IGSF5: variants seen among roughly 807,000 people sequenced by gnomAD.
The protein encoded by IGSF5 is immunoglobulin superfamily 5 like.
In IGSF5, 41 loss-of-function variants were observed where a neutral mutation model predicts 39.4. The ratio of observed to expected loss-of-function variants is 1.04; its 90% CI spans 0.81 to 1.35. IGSF5 has a LOEUF of 1.35. Among genes scored for constraint, IGSF5 ranks in the 40% most tolerant of loss-of-function variants. IGSF5 has a pLI of 0.00. For missense variants in IGSF5, 487 were observed against 494.6 expected, an observed-to-expected ratio of 0.98 and a Z score of 0.15; for synonymous variants, 183 against 175.3, an observed-to-expected ratio of 1.04 and a Z score of -0.34.
At chr21:39,737,842 C>T in the IGSF5 span, among the ~76,000 whole-genome samples, 1 of 152,216 alleles carries the variant, frequency 6.6e-6, no homozygotes, top group Non-Finnish European at 1.5e-5. Context: ...TGCAGCATTC[C>T]TTCCTCCAAG....
chr21:39,791,981 C>A, intron 6 of IGSF5, 27 bp from the exon 7 acceptor site: 1 of 1,487,314 alleles, frequency 6.7e-7, no homozygotes, highest in Non-Finnish European at 9.3e-7. Context: ...CAACAATTAA[C>A]ATGAACATAA....
At chr21:39,718,020 C>A in the IGSF5 span, among the ~76,000 whole-genome samples, 2 of 151,956 alleles carry the variant, frequency 1.3e-5, no homozygotes, top group Admixed American at 1.3e-4. Context: ...TTTCTTTGAG[C>A]AGTAATTCTT....
chr21:39,781,713 C>A (rs2080171508), intron 5 of IGSF5, among the ~76,000 whole-genome samples: 1 of 152,144 alleles, frequency 6.6e-6, no homozygotes, highest in African/African-American at 2.4e-5. Context: ...AGTTTTGATT[C>A]TATCTTATTA....
chr21:39,795,989 G>A (rs369626372), intron 8 of IGSF5, among the ~76,000 whole-genome samples: 3 of 152,234 alleles, frequency 2.0e-5, no homozygotes, highest in South Asian at 4.2e-4. Flanking sequence ...TAAAGAAGAG[G>A]TCTATCTTTG....
chr21:39,718,679 T>C, the IGSF5 span, among the ~76,000 whole-genome samples: 1 of 152,246 alleles, frequency 6.6e-6, no homozygotes, highest in Non-Finnish European at 1.5e-5. Context: ...TGAACCAGGC[T>C]TGCATCCTGG....
the IGSF5 span, among the ~76,000 whole-genome samples, chr21:39,734,485 A>G: frequency 5.5e-5 from 8 of 145,666 alleles, no homozygotes; most frequent in African/African-American, 2.1e-4. Flanking sequence ...CTCATTACTC[A>G]TTATAATATC....
intron 2 of IGSF5, among the ~76,000 whole-genome samples, chr21:39,761,177 TG>T (rs2080059889): frequency 6.6e-6 from 1 of 152,202 alleles, no homozygotes; most frequent in South Asian, 2.1e-4. Context: ...ATTCAATAAA[TG>T]GTGCTGGGAT....
At chr21:39,716,055 G>C in the IGSF5 span, among the ~76,000 whole-genome samples, 2 of 152,194 alleles carry the variant, frequency 1.3e-5, no homozygotes, top group Non-Finnish European at 1.5e-5. Flanking sequence ...TGGAAACTGT[G>C]GGGGCTCCCA....
intron 6 of IGSF5, among the ~76,000 whole-genome samples, chr21:39,789,615 G>A (rs117111901): frequency 0.035 from 5,329 of 152,070 alleles, 119 homozygotes; most frequent in Middle Eastern, 0.095. Context: ...TATGTATATA[G>A]TTGTATGTTT....
At chr21:39,715,436 T>C in the IGSF5 span, among the ~76,000 whole-genome samples, 2 of 152,218 alleles carry the variant, frequency 1.3e-5, no homozygotes, top group Non-Finnish European at 2.9e-5. Flanking sequence ...TAATTTCTTA[T>C]GCTATAAAGG....
At chr21:39,769,112 A>G (rs2080101133) in intron 3 of IGSF5, among the ~76,000 whole-genome samples, 1 of 152,236 alleles carries the variant, frequency 6.6e-6, no homozygotes, top group Non-Finnish European at 1.5e-5. Context: ...CAGATAGTGC[A>G]ATGGGTTTCA....
At position 39,757,805 on chromosome 21, in the gene IGSF5, G is replaced by C. The variant is rs189671079; in HGVS notation, c.101-7730G>C. Among the ~76,000 whole-genome samples the C allele has an allele frequency of 3.3e-5, 5 of 152,226 alleles. No homozygotes were observed. In the East Asian group the frequency reaches 9.7e-4, roughly 29 times the overall value. On this transcript the variant is annotated intron_variant, in intron 2 of 8. Coordinates refer to ENST00000380588, the MANE Select transcript of IGSF5 (RefSeq NM_001080444.2). ...TTGGCCAGGCTGATCTCGAACTCCT[G>C]ACCTCAAACGATCCACCTGCCTTGG...
At position 39,771,120 on chromosome 21, in the gene IGSF5, A is replaced by G; in HGVS notation, c.623A>G (p.Gln208Arg). ...GTGAGCATCCTGGCTCTGACCCCAC[A>G]GAGCAATGGGACTTTGACTTGCGTG... ...SAVSILALTP[Q>R]SNGTLTCVAT... The change falls in exon 4 of 9, where the codon CAG becomes CGG. Residue 208 changes from glutamine to arginine, a missense_variant. By Grantham distance (43) the Gln-to-Arg change is conservative. Coordinates refer to ENST00000380588, the MANE Select transcript of IGSF5 (RefSeq NM_001080444.2). 6.2e-7 allele frequency: 1 copy of G among 1,612,720 alleles called. No individual in the cohort carries two copies. Among genetic ancestry groups the G allele is most frequent in the Non-Finnish European group, 8.5e-7 (1 of 1,179,348 alleles).
At chr21:39,761,509 T>C (rs533972798) in intron 2 of IGSF5, among the ~76,000 whole-genome samples, 1 of 152,196 alleles carries the variant, frequency 6.6e-6, no homozygotes, top group Non-Finnish European at 1.5e-5. Context: ...TCACAAACTA[T>C]GCATCTGACA....
chr21:39,785,866 G>A (rs1438726880), intron 5 of IGSF5, among the ~76,000 whole-genome samples: 2 of 152,092 alleles, frequency 1.3e-5, no homozygotes, highest in South Asian at 4.1e-4. Flanking sequence ...TTTGTCTGTT[G>A]TTGGTGTATA....
At chr21:39,765,251 G>A (rs754646485) in intron 2 of IGSF5, among the ~76,000 whole-genome samples, 1 of 152,096 alleles carries the variant, frequency 6.6e-6, no homozygotes, top group Non-Finnish European at 1.5e-5. Context: ...ATTTTCAAAG[G>A]TTCCATTCTG....
chr21:39,786,952 C>G (rs2086925160), intron 5 of IGSF5, among the ~76,000 whole-genome samples: 1 of 150,822 alleles, frequency 6.6e-6, no homozygotes, highest in African/African-American at 2.4e-5. Flanking sequence ...ACTCTGGGGA[C>G]TGTTGTGGGG....
At chr21:39,774,956 G>GA (rs1365870232) in intron 4 of IGSF5, among the ~76,000 whole-genome samples, 2 of 152,210 alleles carry the variant, frequency 1.3e-5, no homozygotes, top group African/African-American at 2.4e-5. Flanking sequence ...GAGAAGAATA[G>GA]AGAAGTCCTC....
intron 2 of IGSF5, among the ~76,000 whole-genome samples, chr21:39,749,194 CTTTTGGAAAGACAAATAGGTTTTTT>C (rs1300019079): frequency 6.8e-6 from 1 of 147,216 alleles, no homozygotes; most frequent in Non-Finnish European, 1.5e-5. Flanking sequence ...AAATAGGTTT[CTTTTGGAAAGACAAATAGGTTTTTT>C]TTTTTTTTTT....
Sources: allele counts gnomAD v4.1 joint callset (sites outside exome capture counted in the v4.1 genomes callset), GRCh38; gene constraint gnomAD v4.1.1; transcripts MANE v1.5; gene names NCBI Gene and HGNC (gene_info 2026-07-23, HGNC 2026-07-21).